CFAP46: variants seen among roughly 807,000 people sequenced by gnomAD.
The protein encoded by CFAP46 is cilia and flagella associated protein 46.
Under a neutral mutation model 325.7 loss-of-function variants are expected in CFAP46, and 245 were observed. The observed-to-expected ratio is 0.75, with a 90% confidence interval of 0.68 to 0.84. CFAP46 has a LOEUF of 0.84. Ranked by LOEUF, CFAP46 falls within the 40% of genes least tolerant of loss-of-function variation. The pLI is 0.00. For missense variants in CFAP46, 3,346 were observed against 3,543.0 expected (o/e 0.94, Z 1.41); for synonymous variants, 1,523 against 1,495.9 (o/e 1.02, Z -0.42).
At chr10:132,821,839 CTGTG>C (rs1260260649) in intron 50 of CFAP46, among the ~76,000 whole-genome samples, 1 of 130,814 alleles carries the variant, frequency 7.6e-6, no homozygotes, top group African/African-American at 3.1e-5. Flanking sequence ...GCGCTGTGTG[CTGTG>C]TGAGCGCTGA....
chr10:132,875,197 C>G (rs950110104), intron 31 of CFAP46, among the ~76,000 whole-genome samples: 14 of 152,038 alleles, frequency 9.2e-5, no homozygotes, highest in African/African-American at 3.4e-4. Context: ...ACATGCATAA[C>G]TGCCAAGCAG....
At position 132,941,604 on chromosome 10, in the gene CFAP46, G is replaced by C; in HGVS notation, c.293C>G (p.Ser98Trp). The change falls in exon 3 of 58, where the codon TCG becomes TGG. Residue 98 changes from serine to tryptophan, a missense_variant. Coordinates refer to ENST00000368586, the MANE Select transcript of CFAP46 (RefSeq NM_001200049.3). ...GACGCCTCTCACCAGGTTTTCTGCCGACTTCGGGGCACACATCTGGGCCCT... is the reference window on the plus strand; with the variant it reads ...GACGCCTCTCACCAGGTTTTCTGCCCACTTCGGGGCACACATCTGGGCCCT... ...LCRAQMCAPK[S>W]AENLEEFENC... The C allele has an allele frequency of 6.2e-7, 1 of 1,612,952 alleles. No homozygotes were observed. The highest frequency in any genetic ancestry group is 8.5e-7 in the Non-Finnish European group (1 of 1,179,412).
rs142827449 is a variant in CFAP46, at chr10:132,876,479, A to G, written c.4362+333T>C. Among the ~76,000 whole-genome samples, 2,268 of 152,348 alleles carry G rather than the reference A, an allele frequency of 0.015. 34 individuals are homozygous for G. Among genetic ancestry groups the G allele is most frequent in the Middle Eastern group, 0.031 (9 of 294 alleles). Reference sequence around the variant, plus strand: ...GACACCTGGATTTGAGCCCAGGGACACTGATTTTCGGCTTCCGGCCTCCAG... The same window carrying G: ...GACACCTGGATTTGAGCCCAGGGACGCTGATTTTCGGCTTCCGGCCTCCAG... On this transcript the variant is annotated intron_variant, in intron 31 of 57. Transcript: ENST00000368586. This position sits in a 1 kb window ranked among gnomAD's most constrained non-coding sequence, Gnocchi z 4.1.
In CFAP46 at chr10:132,812,839, C is replaced by T; in HGVS notation, c.7447G>A (p.Glu2483Lys). The part of the protein sequence containing the change: ...SCSGFFFYGM[E>K]SFLSHILVER... ...ACTAATATATGGGACAGGAAGCTCT[C>T]CATTCCATAGAAGAAGAAACCGCTG... Residue 2483 changes from glutamate to lysine, a missense_variant, in exon 55 of 58, where the codon GAG becomes AAG. Physicochemically the swap from Glu to Lys is moderately conservative, Grantham distance 56. Coordinates refer to ENST00000368586, the MANE Select transcript of CFAP46 (RefSeq NM_001200049.3). 1 of 1,612,176 alleles carries T rather than the reference C, an allele frequency of 6.2e-7. No homozygotes were observed. Among genetic ancestry groups the T allele is most frequent in the Non-Finnish European group, 8.5e-7 (1 of 1,179,842 alleles).
At position 132,832,290 on chromosome 10, in the gene CFAP46, C is replaced by T. The variant is rs1848158566; in HGVS notation, c.7117+1068G>A. 6.6e-6 allele frequency among the ~76,000 whole-genome samples: 1 copy of T among 151,718 alleles called. No individual in the cohort carries two copies. Among genetic ancestry groups the T allele is most frequent in the Non-Finnish European group, 1.5e-5 (1 of 67,970 alleles). On this transcript the variant is annotated intron_variant, in intron 50 of 57. Coordinates refer to ENST00000368586, the MANE Select transcript of CFAP46 (RefSeq NM_001200049.3). This position sits in a 1 kb window ranked among gnomAD's most constrained non-coding sequence, Gnocchi z 4.1. ...CTCGGAGTGGCCGTTCCTTGCAGCT[C>T]TCTCCTTCCAGGTGTCCCGCCCTGC...
intron 26 of CFAP46, 40 bp downstream of exon 26, chr10:132,885,781 G>C (rs540635335): frequency 7.0e-7 from 1 of 1,423,440 alleles, no homozygotes; most frequent in East Asian, 2.5e-5. Context: ...GCACTCAGGC[G>C]GTGGAGGGAG....
rs1849732286 is a variant in CFAP46, at chr10:132,922,082, GAGAGCCCAGTGC to G, written c.1606+10_1606+21del. Reference sequence around the variant, plus strand: ...TCCAAGGTGGACCGTTCTGGGCTGGGAGAGCCCAGTGCAGAGCTCACCTTTGGCCTCATTCTC... The same window carrying G: ...TCCAAGGTGGACCGTTCTGGGCTGGGAGAGCTCACCTTTGGCCTCATTCTC... On this transcript the variant is annotated intron_variant, in intron 13 of 57. Transcript: ENST00000368586. 2 of 1,547,566 alleles carry G rather than the reference GAGAGCCCAGTGC, an allele frequency of 1.3e-6. No homozygotes were observed. The highest frequency in any genetic ancestry group is 1.4e-5 in the African/African-American group (1 of 73,002).
intron 6 of CFAP46, 174 bp from the exon 7 acceptor site, chr10:132,937,229 A>G: frequency 1.9e-6 from 1 of 528,436 alleles, no homozygotes. Flanking sequence ...CTTTTGGTAC[A>G]TATTCTTGTA....
chr10:132,838,530 C>A (rs560442225), intron 44 of CFAP46, among the ~76,000 whole-genome samples: 1 of 152,280 alleles, frequency 6.6e-6, no homozygotes, highest in Non-Finnish European at 1.5e-5. Context: ...TCTGCCGGGC[C>A]TCTGGCTTGC....
chr10:132,833,755 C>T (rs1022224395), intron 49 of CFAP46, among the ~76,000 whole-genome samples: 1 of 152,214 alleles, frequency 6.6e-6, no homozygotes, highest in Non-Finnish European at 1.5e-5. Context: ...TGTGGTGTGG[C>T]GGGGCTGACA....
At chr10:132,857,815 TA>T in intron 38 of CFAP46, 27 bp from the exon 39 acceptor site, 1 of 1,460,614 alleles carries the variant, frequency 6.8e-7, no homozygotes, top group African/African-American at 1.4e-5. Context: ...AATGGAATTT[TA>T]AAACATTATG....
chr10:132,942,322 G>A, intron 1 of CFAP46, 114 bp downstream of exon 1: 1 of 835,508 alleles, frequency 1.2e-6, no homozygotes, highest in Middle Eastern at 4.9e-4. Context: ...TGGCCCTCGA[G>A]GGATCACCCA....
chr10:132,916,822 G>T, intron 16 of CFAP46, 140 bp from the exon 17 acceptor site: 1 of 1,242,450 alleles, frequency 8.0e-7, no homozygotes, highest in Non-Finnish European at 1.1e-6. Context: ...TGTGCCCTTT[G>T]CAAGCTGGGC....
In CFAP46 at chr10:132,822,285, G is replaced by GAT. The variant is rs1362616339; in HGVS notation, c.7118-7372_7118-7371insAT. On this transcript the variant is annotated intron_variant, in intron 50 of 57. Transcript: ENST00000368586. ...GCTGTGTGTGTGCTGTGTGAGTGCT[G>GAT]GTGTGCTGATGTGTGCACTGTGTGC... Among the ~76,000 whole-genome samples, 782 of 89,204 alleles carry GAT rather than the reference G, an allele frequency of 8.8e-3. 12 individuals carry two copies. Among genetic ancestry groups the GAT allele is most frequent in the Admixed American group, 0.018 (129 of 7,042 alleles). 58.5% of individuals were successfully genotyped at this position (89,204 alleles called of 152,430 possible). A position where few individuals can be genotyped will look rare whatever the true frequency, so the allele number is the denominator to read the frequency against.
At chr10:132,810,548 T>C in intron 56 of CFAP46, 59 bp from the exon 57 acceptor site, 2 of 1,505,768 alleles carry the variant, frequency 1.3e-6, no homozygotes, top group African/African-American at 1.4e-5. Flanking sequence ...TGCTGAAGGG[T>C]TGCGGGACAG....
At chr10:132,891,695 G>A (rs970015130) in intron 25 of CFAP46, among the ~76,000 whole-genome samples, 2 of 152,184 alleles carry the variant, frequency 1.3e-5, no homozygotes, top group African/African-American at 2.4e-5. Context: ...AGAAGAGCTC[G>A]GAAGCCGGCT....
intron 50 of CFAP46, among the ~76,000 whole-genome samples, chr10:132,822,856 G>T (rs1591035067): frequency 7.2e-6 from 1 of 139,458 alleles, no homozygotes; most frequent in East Asian, 2.3e-4. Flanking sequence ...TGCACTGTGT[G>T]CTGTGTGCGG....
rs947808698 is a variant in CFAP46 at position 132,877,304 on chromosome 10, C to T, written c.4213-343G>A. On this transcript the variant is annotated intron_variant, in intron 30 of 57. Transcript: ENST00000368586. This position sits in a 1 kb window ranked among gnomAD's most constrained non-coding sequence, Gnocchi z 5.7. ...GCTCGTGCTGGGGTCCGGGTGTGAGCGTCCCATGAACTCAGCAGTGCTCGT... is the reference window on the plus strand; with the variant it reads ...GCTCGTGCTGGGGTCCGGGTGTGAGTGTCCCATGAACTCAGCAGTGCTCGT... Among the ~76,000 whole-genome samples, 5 of 152,038 alleles carry T rather than the reference C, an allele frequency of 3.3e-5. No homozygotes were observed. Among genetic ancestry groups the T allele is most frequent in the African/African-American group, 4.8e-5 (2 of 41,396 alleles).
In CFAP46 at chr10:132,872,841, C is replaced by T; in HGVS notation, c.4363-17G>A. The T allele has an allele frequency of 1.3e-6, 2 of 1,550,840 alleles. No individual in the cohort carries two copies. The highest frequency in any genetic ancestry group is 1.7e-6 in the Non-Finnish European group (2 of 1,146,858). ...ACTGTATGTCTACATGGACACATAACACACACAGGAGGTCACAGGAGCGGG... is the reference window on the plus strand; with the variant it reads ...ACTGTATGTCTACATGGACACATAATACACACAGGAGGTCACAGGAGCGGG... On this transcript the variant is annotated splice_polypyrimidine_tract_variant and intron_variant, in intron 31 of 57. Transcript: ENST00000368586.
Sources: gnomAD v4.1 joint callset for allele counts (sites outside exome capture counted in the v4.1 genomes callset) on GRCh38, gnomAD v4.1.1 for gene constraint, Gnocchi (gnomAD v3.1) non-coding constraint, MANE v1.5 for transcripts, NCBI Gene and HGNC (gene_info 2026-07-23, HGNC 2026-07-21) for gene names.